Variants in AK7 observed in about 807,000 individuals in gnomAD.
The protein encoded by AK7 is adenylate kinase 7, also known as ATP-AMP transphosphorylase 7.
In AK7, 78 loss-of-function variants were observed where a neutral mutation model predicts 96.6. The observed-to-expected ratio is 0.81, with a 90% CI of 0.67 to 0.97. The LOEUF (loss-of-function observed/expected upper bound fraction) is 0.97. AK7 is among the 50% of genes least tolerant of loss of function. The pLI, the probability that AK7 is intolerant of heterozygous loss-of-function variation, is 0.00. For synonymous variants in AK7, 302 were observed against 317.2 expected (o/e 0.95, Z 0.51); for missense variants, 855 against 887.9 (o/e 0.96, Z 0.47).
At chr14:96,470,512 A>T (rs1894825385) in intron 12 of AK7, among the ~76,000 whole-genome samples, 1 of 151,976 alleles carries the variant, frequency 6.6e-6, no homozygotes, top group Non-Finnish European at 1.5e-5. Flanking sequence ...TTGTTATTAA[A>T]CCACTGTGCC....
Position 96,404,766 on chromosome 14 carries a change from C to G in AK7, c.304C>G (p.Arg102Gly). 6.2e-7 allele frequency: 1 copy of G among 1,601,048 alleles called. No homozygotes were observed. The highest frequency in any genetic ancestry group is 8.6e-7 in the Non-Finnish European group (1 of 1,169,300). The change falls in exon 3 of 18, where the codon CGA becomes GGA. Residue 102 changes from arginine to glycine, a missense_variant. Arg to Gly is a moderately radical substitution (Grantham distance 125, BLOSUM62 -2). Coordinates refer to ENST00000267584, the MANE Select transcript of AK7 (RefSeq NM_152327.5). ...FAVETYSAIS[R>G]EDLLMRLLEC... is the part of the protein sequence containing the mutation. Reference sequence around the variant, plus strand: ...CAATTTTCTTTTTCAGGCCATCTCTCGAGAAGACCTTCTCATGCGCCTGCT... The same window carrying G: ...CAATTTTCTTTTTCAGGCCATCTCTGGAGAAGACCTTCTCATGCGCCTGCT...
intron 1 of AK7, among the ~76,000 whole-genome samples, chr14:96,392,881 C>G (rs1021354815): frequency 5.3e-5 from 8 of 152,154 alleles, no homozygotes; most frequent in African/African-American, 1.9e-4. Context: ...CCAGGATGGT[C>G]TCGATCGATC....
rs959334364 is a variant in AK7 at position 96,416,354 on chromosome 14, T to C, written c.499-4468T>C. Among the ~76,000 whole-genome samples the C allele has an allele frequency of 2.7e-5, 4 of 150,052 alleles. No homozygotes were observed. The East Asian group carries it at 7.9e-4, about 30-fold the overall frequency. On this transcript the variant is annotated intron_variant, in intron 4 of 17. Coordinates refer to ENST00000267584, the MANE Select transcript of AK7 (RefSeq NM_152327.5). ...GTGAGCCAGGATGGTGCCACTGCACTCCAGCCTGGAGACAGAGTGAGACTC... is the reference window on the plus strand; with the variant it reads ...GTGAGCCAGGATGGTGCCACTGCACCCCAGCCTGGAGACAGAGTGAGACTC...
intron 1 of AK7, among the ~76,000 whole-genome samples, chr14:96,395,960 T>C (rs368591216): frequency 6.6e-6 from 1 of 151,648 alleles, no homozygotes; most frequent in Admixed American, 6.6e-5. Context: ...TACAGGCATG[T>C]GCCACCATGC....
rs759658675 is a variant in AK7 at position 96,451,619 on chromosome 14, T to A, written c.1098+49T>A. 5 of 1,391,758 alleles carry A rather than the reference T, an allele frequency of 3.6e-6. No homozygotes were observed. In the South Asian group the frequency reaches 9.6e-5, roughly 27 times the overall value. 86.2% of individuals were successfully genotyped at this position (1,391,758 alleles called of 1,614,324 possible). On this transcript the variant is annotated intron_variant, in intron 10 of 17. Coordinates refer to ENST00000267584, the MANE Select transcript of AK7 (RefSeq NM_152327.5). Reference sequence around the variant, plus strand: ...AAACTTCTGATTCAAGCAAAATGAATCAAACTTCTAGTGTGATGATGCCAA... The same window carrying A: ...AAACTTCTGATTCAAGCAAAATGAAACAAACTTCTAGTGTGATGATGCCAA...
intron 5 of AK7, among the ~76,000 whole-genome samples, chr14:96,429,782 G>A (rs112577326): frequency 1.6e-4 from 24 of 152,102 alleles, no homozygotes; most frequent in African/African-American, 5.6e-4. Context: ...TTGGTGTATA[G>A]GAATGCTTGT....
At chr14:96,409,089 T>G (rs1274180294) in intron 4 of AK7, 148 bp downstream of exon 4, 1 of 742,526 alleles carries the variant, frequency 1.3e-6, no homozygotes, top group East Asian at 2.7e-5. Context: ...GTTTACTGAC[T>G]CTAAGCACAT....
intron 8 of AK7, among the ~76,000 whole-genome samples, chr14:96,447,186 A>G (rs963214622): frequency 6.6e-6 from 1 of 152,186 alleles, no homozygotes; most frequent in African/African-American, 2.4e-5. Context: ...CACCCCAGAC[A>G]CACACGCAGA....
intron 3 of AK7, among the ~76,000 whole-genome samples, chr14:96,407,748 A>AT (rs1293477358): frequency 6.6e-6 from 1 of 151,532 alleles, no homozygotes; most frequent in Non-Finnish European, 1.5e-5. Flanking sequence ...CGCCCAGCTA[A>AT]TTTTTTGTAT....
At chr14:96,423,118 A>G (rs1359125205) in intron 5 of AK7, among the ~76,000 whole-genome samples, 1 of 152,198 alleles carries the variant, frequency 6.6e-6, no homozygotes, top group Non-Finnish European at 1.5e-5. Context: ...CAACAACAGC[A>G]AAGCCACTCT....
chr14:96,423,276 C>G (rs1318796623), intron 5 of AK7, among the ~76,000 whole-genome samples: 1 of 152,216 alleles, frequency 6.6e-6, no homozygotes, highest in Admixed American at 6.5e-5. Context: ...CACACTGCTA[C>G]AGTTCTGGTC....
intron 14 of AK7, among the ~76,000 whole-genome samples, chr14:96,475,287 T>C (rs545119306): frequency 1.3e-5 from 2 of 152,052 alleles, no homozygotes; most frequent in African/African-American, 4.8e-5. Flanking sequence ...CATAGAGAGG[T>C]CAATGCCATT....
chr14:96,486,812 G>A, intron 16 of AK7, 86 bp from the exon 17 acceptor site: 1 of 1,236,968 alleles, frequency 8.1e-7, no homozygotes, highest in African/African-American at 1.5e-5. Flanking sequence ...TTCTAGCAGT[G>A]TCTCAATGCA....
chr14:96,488,506 C>G lies in AK7; in HGVS notation c.*163C>G. ...CTCTATTAAAAGCTATATGACATGA[C>G]TATGTCATTAAAACTATATTTGAAA... On this transcript the variant is annotated 3_prime_UTR_variant, in exon 18 of 18. Coordinates refer to ENST00000267584, the MANE Select transcript of AK7 (RefSeq NM_152327.5). 3 of 548,492 alleles carry G rather than the reference C, an allele frequency of 5.5e-6. No homozygotes were observed. Among genetic ancestry groups the G allele is most frequent in the Non-Finnish European group, 9.6e-6 (3 of 311,130 alleles). The allele number at this position is 548,492 out of a possible 1,614,324, so 34.0% of individuals were successfully genotyped here.
intron 16 of AK7, among the ~76,000 whole-genome samples, chr14:96,486,005 C>G (rs371174008): frequency 6.6e-6 from 1 of 152,010 alleles, no homozygotes; most frequent in Non-Finnish European, 1.5e-5. Flanking sequence ...ACCGTGGTCT[C>G]GATCTCCTGA....
intron 15 of AK7, among the ~76,000 whole-genome samples, 169 bp downstream of exon 15, chr14:96,478,831 G>T (rs150771118): frequency 6.6e-6 from 1 of 152,012 alleles, no homozygotes; most frequent in Non-Finnish European, 1.5e-5. Flanking sequence ...GTCATTCTAT[G>T]TGGGGATTTG....
intron 4 of AK7, among the ~76,000 whole-genome samples, chr14:96,418,223 G>A (rs1891456793): frequency 1.3e-5 from 2 of 149,754 alleles, no homozygotes; most frequent in Non-Finnish European, 3.0e-5. Flanking sequence ...AACTACTCAG[G>A]AGTCTAGGTG....
chr14:96,463,347 C>T (rs920968517), intron 12 of AK7, among the ~76,000 whole-genome samples: 1 of 152,098 alleles, frequency 6.6e-6, no homozygotes, highest in Non-Finnish European at 1.5e-5. Context: ...GGCTTGACCA[C>T]TTGCTTAGTT....
At position 96,449,797 on chromosome 14, in the gene AK7, A is replaced by G. The variant is rs1555382858; in HGVS notation, c.871-5A>G. On this transcript the variant is annotated splice_polypyrimidine_tract_variant and splice_region_variant and intron_variant, in intron 8 of 17. Coordinates refer to ENST00000267584, the MANE Select transcript of AK7 (RefSeq NM_152327.5). Reference sequence around the variant, plus strand: ...CCAACTAATATTTCGATTTTCCTCTAACAGTGTATCAGTAAAAATACTGGC... The same window carrying G: ...CCAACTAATATTTCGATTTTCCTCTGACAGTGTATCAGTAAAAATACTGGC... The G allele has an allele frequency of 3.7e-6, 6 of 1,604,356 alleles. No homozygotes were observed. Among genetic ancestry groups the G allele is most frequent in the East Asian group, 4.5e-5 (2 of 44,830 alleles).
Sources: gnomAD v4.1 joint callset for allele counts (sites outside exome capture counted in the v4.1 genomes callset) on GRCh38, gnomAD v4.1.1 for gene constraint, MANE v1.5 for transcripts, NCBI Gene and HGNC (gene_info 2026-07-23, HGNC 2026-07-21) for gene names.